PARP6: variants seen among roughly 807,000 people sequenced by gnomAD.
PARP6 encodes protein mono-ADP-ribosyltransferase PARP6.
PARP6 carries 27 observed loss-of-function variants against 92.0 expected under a neutral mutation model. That is an observed-to-expected ratio of 0.29 (90% confidence interval 0.22 to 0.40). The LOEUF (loss-of-function observed/expected upper bound fraction) is 0.40. Among genes scored for constraint, PARP6 ranks in the 10% least tolerant of loss-of-function variants. The pLI is 1.00. For missense variants in PARP6, 501 were observed against 784.5 expected (o/e 0.64, Z 4.32); for synonymous variants, 272 against 281.2 (o/e 0.97, Z 0.33).
chr15:72,257,302 G>T, intron 13 of PARP6, 46 bp downstream of exon 13: 1 of 1,377,886 alleles, frequency 7.3e-7, no homozygotes, highest in Non-Finnish European at 1.0e-6. Context: ...GGGTTCCTCT[G>T]TCTTTCTTGA....
At chr15:72,249,951 G>A in intron 19 of PARP6, 69 bp downstream of exon 19, 1 of 1,013,738 alleles carries the variant, frequency 9.9e-7, no homozygotes, top group Non-Finnish European at 1.6e-6. Flanking sequence ...TTACTCTAGA[G>A]CAGCCTTCCA....
chr15:72,264,477 C>T, intron 8 of PARP6, 78 bp downstream of exon 8: 1 of 1,084,344 alleles, frequency 9.2e-7, no homozygotes, highest in South Asian at 1.3e-5. Context: ...ATCCAAGGCT[C>T]TGCCTGTCCA....
chr15:72,250,822 T>C (rs1235987669), intron 18 of PARP6, 23 bp downstream of exon 18: 1 of 623,704 alleles, frequency 1.6e-6, no homozygotes. Flanking sequence ...CCACCCCCAC[T>C]GCCCAGCCCC....
chr15:72,261,308 T>C (rs2085855110), intron 9 of PARP6, among the ~76,000 whole-genome samples: 1 of 152,214 alleles, frequency 6.6e-6, no homozygotes, highest in African/African-American at 2.4e-5. Context: ...GATGGAAGAT[T>C]CAGCATACAT....
intron 8 of PARP6, among the ~76,000 whole-genome samples, chr15:72,263,563 C>T (rs1366300454): frequency 6.6e-6 from 1 of 152,160 alleles, no homozygotes. Flanking sequence ...GAACCCTTCC[C>T]TATTCTCTGG....
chr15:72,268,031 C>T (rs968987072), intron 2 of PARP6, among the ~76,000 whole-genome samples: 1 of 152,204 alleles, frequency 6.6e-6, no homozygotes, highest in Admixed American at 6.5e-5. Context: ...GGAATACAGG[C>T]GTGAGCCATT....
At chr15:72,251,625 G>C (rs2959903) in intron 16 of PARP6, among the ~76,000 whole-genome samples, 319 of 152,302 alleles carry the variant, frequency 2.1e-3, no homozygotes, top group African/African-American at 7.6e-3. Flanking sequence ...GTCTGAATTA[G>C]AATGGTGACA....
At chr15:72,251,749 A>C (rs2084385948) in intron 16 of PARP6, among the ~76,000 whole-genome samples, 1 of 152,236 alleles carries the variant, frequency 6.6e-6, no homozygotes, top group Non-Finnish European at 1.5e-5. Context: ...AGAGAAAGTT[A>C]CTGTCTAGGC....
At chr15:72,246,621 TTC>T (rs1491230978) in intron 20 of PARP6, among the ~76,000 whole-genome samples, 1 of 152,214 alleles carries the variant, frequency 6.6e-6, no homozygotes, top group Non-Finnish European at 1.5e-5. Context: ...TCCTTTAGTT[TTC>T]ACACACACAC....
chr15:72,268,430 T>C (rs979024429), intron 2 of PARP6, among the ~76,000 whole-genome samples: 2 of 152,264 alleles, frequency 1.3e-5, no homozygotes, highest in Non-Finnish European at 2.9e-5. Context: ...TATTACTAGC[T>C]ATTATACGGC....
At chr15:72,257,508 A>C in intron 12 of PARP6, 68 bp from the exon 13 acceptor site, 1 of 1,253,306 alleles carries the variant, frequency 8.0e-7, no homozygotes. Flanking sequence ...AGAGAGGGAC[A>C]GTCCTAACCT....
At chr15:72,243,943 G>C (rs927084501) in intron 20 of PARP6, 1 of 152,170 alleles carries the variant, frequency 6.6e-6, no homozygotes, top group Non-Finnish European at 1.5e-5. Flanking sequence ...CTGTTGAACT[G>C]ACATTCTTCA....
At chr15:72,264,898 G>A (rs557084373) in intron 7 of PARP6, among the ~76,000 whole-genome samples, 183 bp downstream of exon 7, 4 of 152,322 alleles carry the variant, frequency 2.6e-5, no homozygotes, top group Admixed American at 2.0e-4. Flanking sequence ...AAGGCCTTTA[G>A]GGAATGGTTA....
At chr15:72,259,741 T>C in intron 10 of PARP6, 80 bp from the exon 11 acceptor site, 3 of 1,212,252 alleles carry the variant, frequency 2.5e-6, no homozygotes, top group African/African-American at 1.5e-5. Context: ...GCCTATCACC[T>C]AGGACTCTCC....
intron 20 of PARP6, chr15:72,243,052 G>C (rs1178976282): frequency 4.2e-6 from 1 of 238,228 alleles, no homozygotes; most frequent in Non-Finnish European, 8.1e-6. Context: ...GAAGTAATAG[G>C]ATACAGAAGG....
chr15:72,254,759 T>G (rs543043370), intron 14 of PARP6, among the ~76,000 whole-genome samples: 1 of 152,324 alleles, frequency 6.6e-6, no homozygotes, highest in African/African-American at 2.4e-5. Flanking sequence ...TTTATGCAAG[T>G]GAAGATAACT....
intron 7 of PARP6, 62 bp from the exon 8 acceptor site, chr15:72,264,683 C>G: frequency 7.6e-7 from 1 of 1,308,668 alleles, no homozygotes; most frequent in Non-Finnish European, 1.1e-6. Flanking sequence ...GAGTCCAAAG[C>G]TCAGTGGAAT....
At chr15:72,259,455 G>A (rs1178443107) in intron 11 of PARP6, among the ~76,000 whole-genome samples, 153 bp downstream of exon 11, 1 of 152,206 alleles carries the variant, frequency 6.6e-6, no homozygotes, top group Non-Finnish European at 1.5e-5. Flanking sequence ...TCAGTTTCTT[G>A]AAGATGGGAA....
intron 15 of PARP6, 39 bp from the exon 16 acceptor site, chr15:72,253,543 G>A: frequency 6.5e-7 from 1 of 1,534,854 alleles, no homozygotes; most frequent in Non-Finnish European, 9.0e-7. Context: ...CCTTGGAGAG[G>A]TGGGAGCCTA....
Sources: allele counts gnomAD v4.1 joint callset (sites outside exome capture counted in the v4.1 genomes callset), GRCh38; gene constraint gnomAD v4.1.1; transcripts MANE v1.5; gene names NCBI Gene and HGNC (gene_info 2026-07-23, HGNC 2026-07-21).